The following THADA variants were observed in gnomAD, a reference collection of about 807,000 sequenced individuals.
THADA encodes THADA armadillo repeat containing.
In THADA, 213 loss-of-function variants were observed where a neutral mutation model predicts 219.8. The observed-to-expected ratio is 0.97, with a 90% confidence interval of 0.87 to 1.09. The LOEUF (loss-of-function observed/expected upper bound fraction) is 1.09, where lower values mean the gene tolerates loss of function less well. THADA is among the 50% of genes least tolerant of loss of function. THADA has a pLI of 0.00. For missense variants in THADA, 2,956 were observed against 2,311.3 expected (o/e 1.28, Z -5.72); for synonymous variants, 1,018 against 828.9 (o/e 1.23, Z -3.92).
At chr2:43,311,117 A>G (rs1444852217) in intron 31 of THADA, among the ~76,000 whole-genome samples, 2 of 151,996 alleles carry the variant, frequency 1.3e-5, no homozygotes, top group African/African-American at 4.8e-5. Flanking sequence ...CGGAGGTTGC[A>G]GTGAACCGAG....
chr2:43,484,461 A>C (rs542666666), intron 26 of THADA: 21 of 169,310 alleles, frequency 1.2e-4, no homozygotes, highest in Admixed American at 5.2e-4. Context: ...ATCCTAAATA[A>C]AGTTAAGGAA....
chr2:43,461,359 C>T (rs570030219), intron 26 of THADA, among the ~76,000 whole-genome samples: 1 of 152,256 alleles, frequency 6.6e-6, no homozygotes, highest in East Asian at 1.9e-4. Context: ...ATCACATACA[C>T]TTGAGTAAGT....
At chr2:43,458,880 TG>T (rs1439468431) in intron 26 of THADA, among the ~76,000 whole-genome samples, 1 of 152,204 alleles carries the variant, frequency 6.6e-6, no homozygotes, top group Non-Finnish European at 1.5e-5. Context: ...ACATGTAATA[TG>T]CTTTTTAATG....
At chr2:43,475,968 C>T (rs1573842431) in intron 26 of THADA, among the ~76,000 whole-genome samples, 1 of 152,176 alleles carries the variant, frequency 6.6e-6, no homozygotes, top group Non-Finnish European at 1.5e-5. Flanking sequence ...GATTAGTTGC[C>T]TAATCAATAT....
chr2:43,369,208 C>T (rs1299492177), intron 29 of THADA, among the ~76,000 whole-genome samples: 1 of 152,212 alleles, frequency 6.6e-6, no homozygotes, highest in Non-Finnish European at 1.5e-5. Context: ...AAGAGTCTCC[C>T]GTTGTGTCTG....
chr2:43,353,217 T>C lies in THADA; in HGVS notation c.4228-8980A>G, dbSNP rs114057864. Among the ~76,000 whole-genome samples, 515 of 152,374 alleles carry C rather than the reference T, an allele frequency of 3.4e-3. 1 individual carries two copies. The highest frequency in any genetic ancestry group is 0.012 in the African/African-American group (491 of 41,592). Reference sequence around the variant, plus strand: ...CAGAAGCAGGATTTGCTGGGTCTTATGATGGTTCTATTTGTAATTTCTTTA... The same window carrying C: ...CAGAAGCAGGATTTGCTGGGTCTTACGATGGTTCTATTTGTAATTTCTTTA... On this transcript the variant is annotated intron_variant, in intron 29 of 37. Coordinates refer to ENST00000405975, the MANE Select transcript of THADA (RefSeq NM_022065.5).
At chr2:43,241,052 T>C (rs1572731995) in intron 36 of THADA, among the ~76,000 whole-genome samples, 1 of 152,212 alleles carries the variant, frequency 6.6e-6, no homozygotes, top group South Asian at 2.1e-4. Flanking sequence ...CTGGGGGGAA[T>C]TCAGACTTCA....
intron 22 of THADA, among the ~76,000 whole-genome samples, 186 bp downstream of exon 22, chr2:43,527,693 C>T (rs182704226): frequency 2.0e-5 from 3 of 152,194 alleles, no homozygotes; most frequent in Admixed American, 1.3e-4. Context: ...TCAGTTTGGA[C>T]GTTTCAATCA....
At chr2:43,495,109 C>T (rs533513536) in intron 25 of THADA, among the ~76,000 whole-genome samples, 2 of 152,132 alleles carry the variant, frequency 1.3e-5, no homozygotes, top group African/African-American at 4.8e-5. Context: ...AAGGAAAAAT[C>T]ACACTTAAAA....
At chr2:43,484,447 C>T (rs1032190892) in intron 26 of THADA, 2 of 169,102 alleles carry the variant, frequency 1.2e-5, no homozygotes, top group African/African-American at 4.8e-5. Context: ...CTGGGCCAAA[C>T]TGGATCCTAA....
chr2:43,284,620 G>A (rs762268705), intron 35 of THADA, among the ~76,000 whole-genome samples: 31 of 152,190 alleles, frequency 2.0e-4, no homozygotes, highest in Middle Eastern at 3.2e-3. Context: ...CAATATAGAC[G>A]GGGAAATGTG....
intron 30 of THADA, among the ~76,000 whole-genome samples, chr2:43,341,037 T>C (rs548411114): frequency 9.8e-5 from 15 of 152,346 alleles, no homozygotes; most frequent in African/African-American, 3.6e-4. Context: ...GAAAAACTGA[T>C]ACATAGCTTT....
intron 10 of THADA, among the ~76,000 whole-genome samples, chr2:43,575,595 G>C (rs1027728606): frequency 4.6e-5 from 7 of 152,180 alleles, no homozygotes; most frequent in Non-Finnish European, 8.8e-5. Context: ...GGAGTGCAGT[G>C]GTGCGATCTC....
intron 29 of THADA, among the ~76,000 whole-genome samples, chr2:43,355,629 G>A (rs2104572537): frequency 6.6e-6 from 1 of 152,174 alleles, no homozygotes; most frequent in Non-Finnish European, 1.5e-5. Context: ...TTGTATCTTA[G>A]GTCTTATGTT....
chr2:43,320,011 C>G (rs1678510212), intron 31 of THADA, among the ~76,000 whole-genome samples: 1 of 152,178 alleles, frequency 6.6e-6, no homozygotes, highest in Admixed American at 6.5e-5. Context: ...TCTGAGGCAG[C>G]AACTCATAAG....
At chr2:43,484,001 C>G (rs1282387607) in intron 26 of THADA, among the ~76,000 whole-genome samples, 1 of 151,730 alleles carries the variant, frequency 6.6e-6, no homozygotes, top group Non-Finnish European at 1.5e-5. Context: ...AAGTTAGTGA[C>G]AGGAAGAATT....
rs375419838 is a variant in THADA at position 43,448,144 on chromosome 2, T to C, written c.3837-17842A>G. On this transcript the variant is annotated intron_variant, in intron 26 of 37. Coordinates refer to ENST00000405975, the MANE Select transcript of THADA (RefSeq NM_022065.5). The stretch of plus-strand genomic sequence containing the variant: ...AAAGAATTCTCGAAAGATGACTAAG[T>C]AGGAAGCACTAGGAACCTGTGTTCT... Among the ~76,000 whole-genome samples, 14 of 152,316 alleles carry C rather than the reference T, an allele frequency of 9.2e-5. No individual in the cohort carries two copies. The East Asian group carries it at 1.7e-3, about 19-fold the overall frequency.
intron 36 of THADA, among the ~76,000 whole-genome samples, chr2:43,258,673 G>C (rs1670592232): frequency 6.6e-6 from 1 of 152,120 alleles, no homozygotes; most frequent in Admixed American, 6.5e-5. Flanking sequence ...CAATGACCAG[G>C]CCAATATTTA....
chr2:43,233,153 G>A (rs1429286796), intron 36 of THADA: 1 of 419,590 alleles, frequency 2.4e-6, no homozygotes, highest in Admixed American at 3.6e-5. Context: ...CAGGATTAGA[G>A]AGTTATCTCC....
Sources: allele counts gnomAD v4.1 joint callset (sites outside exome capture counted in the v4.1 genomes callset), GRCh38; gene constraint gnomAD v4.1.1; transcripts MANE v1.5; gene names NCBI Gene and HGNC (gene_info 2026-07-23, HGNC 2026-07-21).